Variants in NOTCH3 observed in about 807,000 individuals in gnomAD.
The protein encoded by NOTCH3 is neurogenic locus notch homolog protein 3.
In NOTCH3, 86 loss-of-function variants were observed where a neutral mutation model predicts 213.3. The ratio of observed to expected loss-of-function variants is 0.40; its 90% CI spans 0.34 to 0.48. NOTCH3 has a LOEUF of 0.48. Among genes scored for constraint, NOTCH3 ranks in the 20% least tolerant of loss-of-function variants. The pLI is 0.57. For missense variants in NOTCH3, 2,783 were observed against 3,272.6 expected (o/e 0.85, Z 3.65); for synonymous variants, 1,354 against 1,355.9 (o/e 1.00, Z 0.03).
intron 16 of NOTCH3, among the ~76,000 whole-genome samples, chr19:15,182,155 G>A (rs1269796260): frequency 6.6e-6 from 1 of 152,108 alleles, no homozygotes; most frequent in African/African-American, 2.4e-5. Flanking sequence ...TGACTAAATG[G>A]AGATGTGCTA....
At chr19:15,199,702 G>A (rs1029102472) in intron 1 of NOTCH3, among the ~76,000 whole-genome samples, 5 of 152,216 alleles carry the variant, frequency 3.3e-5, no homozygotes, top group African/African-American at 1.2e-4. Context: ...CACAGGCCAT[G>A]TGTGTGCGCC....
Position 15,180,737 on chromosome 19 carries a change from C to T in NOTCH3, c.3086G>A (p.Ser1029Asn), listed in dbSNP as rs754080644. ...GAYCLCPPGW[S>N]GRLCDIRSLP... is the part of the protein sequence containing the mutation. ...GCTTCGGATGTCACAGAGGCGTCCG[C>T]TCCATCCAGGGGGACAAAGGCAATA... The change falls in exon 19 of 33, where the codon AGC becomes AAC. Residue 1029 changes from serine (S) to asparagine (N), a missense_variant. Physicochemically the swap from Ser to Asn is conservative, Grantham distance 46. Coordinates refer to ENST00000263388, the MANE Select transcript of NOTCH3 (RefSeq NM_000435.3). 1.3e-6 allele frequency: 2 copies of T among 1,582,004 alleles called. No homozygotes were observed. The highest frequency in any genetic ancestry group is 2.3e-5 in the South Asian group (2 of 86,534).
chr19:15,199,999 T>A (rs927982533), intron 1 of NOTCH3, among the ~76,000 whole-genome samples: 1 of 150,984 alleles, frequency 6.6e-6, no homozygotes, highest in African/African-American at 2.4e-5. Context: ...AGGGGGTGTC[T>A]AGACGGCGCG....
chr19:15,166,122 G>A (rs768355563), intron 29 of NOTCH3, 31 bp from the exon 30 acceptor site: 2 of 1,586,652 alleles, frequency 1.3e-6, no homozygotes, highest in Non-Finnish European at 1.7e-6. Context: ...CAGCAGGAAG[G>A]TAAACACAGG....
At chr19:15,200,406 C>G (rs1034237948) in intron 1 of NOTCH3, among the ~76,000 whole-genome samples, 4 of 151,980 alleles carry the variant, frequency 2.6e-5, no homozygotes, top group African/African-American at 9.6e-5. Flanking sequence ...GCGAGAGGTC[C>G]CCGGCCTAGA....
chr19:15,191,458 A>G lies in NOTCH3; in HGVS notation c.1002T>C (p.Ala334=), dbSNP rs1427510970. The change falls in exon 6 of 33, where the codon GCT becomes GCC. Residue 334 remains alanine (A), a synonymous_variant. Transcript: ENST00000263388. ...CCATGGGGCAGGCACAGTAGAAAGA[A>G]GCCACGCGGTCATGGCAGGTGGCCC... The part of the protein sequence containing the change: ...FHGATCHDRV[A]SFYCACPMGK... 1 of 1,613,414 alleles carries G rather than the reference A, an allele frequency of 6.2e-7. No homozygotes were observed. Among genetic ancestry groups the G allele is most frequent in the East Asian group, 2.2e-5 (1 of 44,902 alleles).
At chr19:15,194,453 C>G (rs1265586573) in intron 2 of NOTCH3, among the ~76,000 whole-genome samples, 1 of 152,140 alleles carries the variant, frequency 6.6e-6, no homozygotes, top group Non-Finnish European at 1.5e-5. Context: ...TCCAGAACTT[C>G]AAGAGAATAA....
At chr19:15,170,272 G>A (rs1164208161) in intron 27 of NOTCH3, 59 bp downstream of exon 27, 11 of 1,550,426 alleles carry the variant, frequency 7.1e-6, no homozygotes, top group Admixed American at 5.0e-5. Flanking sequence ...AGGTCAAGGC[G>A]GGGTCCAGGG....
intron 2 of NOTCH3, among the ~76,000 whole-genome samples, chr19:15,196,014 T>C (rs1244135004): frequency 2.4e-5 from 3 of 126,170 alleles, no homozygotes; most frequent in Non-Finnish European, 3.4e-5. Flanking sequence ...GGTGGGGGGG[T>C]CTTGGGGGAT....
rs2046933477 is a variant in NOTCH3, at chr19:15,192,163, A to G, written c.476T>C (p.Val159Ala). Residue 159 changes from valine to alanine, a missense_variant, in exon 4 of 33, where the codon GTG (valine) becomes GCG (alanine). This residue lies in a region of NOTCH3 where 708 missense variants were observed against 906.6 expected (regional missense o/e 0.78). Transcript: ENST00000263388. Reference sequence around the variant, plus strand: ...GGGCTCACCCACCCGGCACTCATCCACGTCGCTTCGGCAGCTGCGGCCCTG... The same window carrying G: ...GGGCTCACCCACCCGGCACTCATCCGCGTCGCTTCGGCAGCTGCGGCCCTG... ...GYQGRSCRSDVDECRVGEPCR... is the reference protein window; with the variant it reads ...GYQGRSCRSDADECRVGEPCR... 1 of 1,612,728 alleles carries G rather than the reference A, an allele frequency of 6.2e-7. No individual in the cohort carries two copies. Among genetic ancestry groups the G allele is most frequent in the Non-Finnish European group, 8.5e-7 (1 of 1,179,922 alleles).
At chr19:15,166,546 T>C (rs1046439738) in intron 29 of NOTCH3, among the ~76,000 whole-genome samples, 2 of 151,780 alleles carry the variant, frequency 1.3e-5, no homozygotes, top group Non-Finnish European at 2.9e-5. Flanking sequence ...GGACATAAAA[T>C]CCCAGGCACT....
At chr19:15,162,426 C>T in intron 32 of NOTCH3, 39 bp downstream of exon 32, 2 of 1,423,678 alleles carry the variant, frequency 1.4e-6, no homozygotes, top group Non-Finnish European at 2.0e-6. Flanking sequence ...TGGCACTGTG[C>T]CACTGCTGAC....
At chr19:15,179,859 T>C (rs1401395339) in intron 20 of NOTCH3, among the ~76,000 whole-genome samples, 1 of 151,852 alleles carries the variant, frequency 6.6e-6, no homozygotes, top group African/African-American at 2.4e-5. Context: ...CTCGTCTGGG[T>C]GACAGAGTGA....
In NOTCH3 at chr19:15,191,406, G is replaced by A. The variant is rs1158100022; in HGVS notation, c.1036+18C>T. 16 of 1,606,056 alleles carry A rather than the reference G, an allele frequency of 1.0e-5. No homozygotes were observed. Among genetic ancestry groups the A allele is most frequent in the Non-Finnish European group, 1.4e-5 (16 of 1,173,818 alleles). The stretch of plus-strand genomic sequence containing the variant: ...TAAAAACCATCCATGGCTCCCTGCA[G>A]AGAAAACGGCCACTCACCAGTCTTG... On this transcript the variant is annotated intron_variant, in intron 6 of 32. Transcript: ENST00000263388.
intron 20 of NOTCH3, 71 bp downstream of exon 20, chr19:15,180,001 C>T: frequency 9.2e-7 from 1 of 1,092,432 alleles, no homozygotes; most frequent in Non-Finnish European, 1.4e-6. Flanking sequence ...CCAAGCCACA[C>T]AGAAATGTGT....
In NOTCH3 at chr19:15,185,081, C is replaced by CCCCCACCTCCCCCAACCCCAGGGT; in HGVS notation, c.2297-86_2297-63dup. ...TTGAGGGACTCCCTGATCCCATCTC[C>CCCCCACCTCCCCCAACCCCAGGGT]CCCCACCTCCCCCAACCCCAGGGTC... is the stretch of plus-strand genomic sequence containing the variant. On this transcript the variant is annotated intron_variant, in intron 14 of 32. Transcript: ENST00000263388. This position sits in a 1 kb window ranked among gnomAD's most constrained non-coding sequence, Gnocchi z 4.2. 1 of 1,230,276 alleles carries CCCCCACCTCCCCCAACCCCAGGGT rather than the reference C, an allele frequency of 8.1e-7. No homozygotes were observed. The highest frequency in any genetic ancestry group is 1.5e-5 in the South Asian group (1 of 68,490). 76.2% of individuals were successfully genotyped at this position (1,230,276 alleles called of 1,614,324 possible).
rs1375704781 is a variant in NOTCH3, at chr19:15,192,108, T to C, written c.531A>G (p.Thr177=). ...PCRHGGTCLN[T]PGSFRCQCPA... ...GACACTGGCAGCGGAAGGAGCCAGG[T>C]GTGTTGAGGCAGGTGCCACCATGGC... Residue 177 remains threonine (T), a synonymous_variant, in exon 4 of 33, where the codon ACA becomes ACG. Coordinates refer to ENST00000263388, the MANE Select transcript of NOTCH3 (RefSeq NM_000435.3). The C allele has an allele frequency of 2.5e-6, 4 of 1,612,908 alleles. No individual in the cohort carries two copies. In the Admixed American group the frequency reaches 6.7e-5, roughly 27 times the overall value.
In NOTCH3 at chr19:15,160,633, C is replaced by T. The variant is rs2046631975; in HGVS notation, c.*29G>A. On this transcript the variant is annotated 3_prime_UTR_variant, in exon 33 of 33. Coordinates refer to ENST00000263388, the MANE Select transcript of NOTCH3 (RefSeq NM_000435.3). ...GAGGCAGGACGGGGGTCTCTTTAGG[C>T]CCCCAAGATCTAAGAACTGACGAGC... The T allele has an allele frequency of 6.4e-7, 1 of 1,557,380 alleles. No individual in the cohort carries two copies. The highest frequency in any genetic ancestry group is 1.4e-5 in the African/African-American group (1 of 73,802).
Position 15,160,631 on chromosome 19 carries a change from G to GGCCC in NOTCH3, c.*27_*30dup. ...AGGAGGCAGGACGGGGGTCTCTTTAGGCCCCCAAGATCTAAGAACTGACGA... is the reference window on the plus strand; with the variant it reads ...AGGAGGCAGGACGGGGGTCTCTTTAGGCCCGCCCCCAAGATCTAAGAACTGACGA... On this transcript the variant is annotated 3_prime_UTR_variant, in exon 33 of 33. Transcript: ENST00000263388. The GGCCC allele has an allele frequency of 6.5e-7, 1 of 1,546,376 alleles. No homozygotes were observed. Among genetic ancestry groups the GGCCC allele is most frequent in the Non-Finnish European group, 8.9e-7 (1 of 1,118,228 alleles).
Sources: allele counts gnomAD v4.1 joint callset (sites outside exome capture counted in the v4.1 genomes callset), GRCh38; gene constraint gnomAD v4.1.1; regional missense constraint gnomAD v4.1.1; non-coding constraint Gnocchi (gnomAD v3.1); transcripts MANE v1.5; gene names NCBI Gene and HGNC (gene_info 2026-07-23, HGNC 2026-07-21).